Variants in ALDH4A1 observed in about 807,000 individuals in gnomAD.
ALDH4A1 encodes aldehyde dehydrogenase 4 family member A1.
A neutral mutation model predicts 70.5 loss-of-function variants in ALDH4A1; 46 were observed. The ratio of observed to expected loss-of-function variants is 0.65; its 90% CI spans 0.51 to 0.83. ALDH4A1 has a LOEUF of 0.83. ALDH4A1 is among the 40% of genes least tolerant of loss of function. The pLI is 0.00. For missense variants in ALDH4A1, 749 were observed against 766.5 expected (o/e 0.98, Z 0.27); for synonymous variants, 323 against 324.3 (o/e 1.00, Z 0.04).
Position 18,872,793 on chromosome 1 carries a change from AG to A in ALDH4A1, c.*51del, listed in dbSNP as rs1462954362. 2.4e-5 allele frequency: 35 copies of A among 1,436,638 alleles called. No individual in the cohort carries two copies. The highest frequency in any genetic ancestry group is 3.3e-5 in the Non-Finnish European group (34 of 1,025,192). The allele number at this position is 1,436,638 out of a possible 1,614,324, so 89.0% of individuals were successfully genotyped here. The stretch of plus-strand genomic sequence containing the variant: ...GGGCTGGAGTGGGGTCTGTGCAGTG[AG>A]GTCGGCCACCTGGACGGACAGACAG... On this transcript the variant is annotated 3_prime_UTR_variant, in exon 15 of 15. Transcript: ENST00000375341.
chr1:18,893,487 C>A (rs962055203), intron 1 of ALDH4A1, among the ~76,000 whole-genome samples: 2 of 152,068 alleles, frequency 1.3e-5, no homozygotes, highest in Non-Finnish European at 2.9e-5. Flanking sequence ...AAGAACAATG[C>A]ACAGCAAATC....
At chr1:18,897,538 G>A (rs1296911873) in intron 1 of ALDH4A1, among the ~76,000 whole-genome samples, 5 of 152,150 alleles carry the variant, frequency 3.3e-5, no homozygotes, top group African/African-American at 7.2e-5. Flanking sequence ...GCGAGACTCC[G>A]TCTCAAAAAA....
intron 3 of ALDH4A1, among the ~76,000 whole-genome samples, chr1:18,887,058 G>A (rs926436399): frequency 3.3e-5 from 5 of 152,210 alleles, no homozygotes; most frequent in Admixed American, 6.5e-5. Context: ...TGGGACTTCC[G>A]CCCTGCCCCG....
chr1:18,895,071 C>T (rs1304117088), intron 1 of ALDH4A1, among the ~76,000 whole-genome samples: 6 of 152,078 alleles, frequency 3.9e-5, no homozygotes, highest in African/African-American at 7.2e-5. Context: ...CACATGGCAA[C>T]GATGCAGAGA....
At chr1:18,902,432 C>G in intron 1 of ALDH4A1, 30 bp downstream of exon 1, 26 of 1,313,792 alleles carry the variant, frequency 2.0e-5, no homozygotes, top group Non-Finnish European at 2.5e-5. Context: ...GGCGCGCGCT[C>G]GGGCCGCCCC....
In ALDH4A1 at chr1:18,881,810, A is replaced by C. The variant is rs750104978; in HGVS notation, c.756T>G (p.Ala252=). 8 of 1,613,862 alleles carry C rather than the reference A, an allele frequency of 5.0e-6. No individual in the cohort carries two copies. The highest frequency in any genetic ancestry group is 2.7e-5 in the African/African-American group (2 of 74,938). Residue 252 remains alanine (A), a synonymous_variant, in exon 8 of 15, where the codon GCT becomes GCG. Transcript: ENST00000375341. The stretch of plus-strand genomic sequence containing the variant: ...ACTGGATGATGTTGGGGGGCAGGCC[A>C]GCCTCCCGAAGGATGCGGTAGACAG... ...SYAVYRILRE[A]GLPPNIIQFV...
In ALDH4A1 at chr1:18,876,324, G is replaced by C; in HGVS notation, c.1329C>G (p.Ile443Met). The change falls in exon 12 of 15, where the codon ATC becomes ATG. Residue 443 changes from isoleucine to methionine, a missense_variant. Ile to Met is a conservative substitution (Grantham distance 10, BLOSUM62 1). Coordinates refer to ENST00000375341, the MANE Select transcript of ALDH4A1 (RefSeq NM_003748.4). ...TGCCCACCCCAGTCACCTCCTTCAT[G>C]ATGGGCTCCTGAGGGTCCTTGCTCT... Reference protein sequence around the residue: ...IVESKDPQEPIMKEEIFGPVL... With the variant: ...IVESKDPQEPMMKEEIFGPVL... The C allele has an allele frequency of 6.2e-7, 1 of 1,613,832 alleles. No homozygotes were observed. The highest frequency in any genetic ancestry group is 8.5e-7 in the Non-Finnish European group (1 of 1,179,978).
At chr1:18,878,299 A>G (rs1934812751) in intron 9 of ALDH4A1, among the ~76,000 whole-genome samples, 1 of 152,186 alleles carries the variant, frequency 6.6e-6, no homozygotes, top group South Asian at 2.1e-4. Context: ...GCACAGAGAG[A>G]TGAAGTCACC....
intron 12 of ALDH4A1, among the ~76,000 whole-genome samples, chr1:18,876,111 CA>C (rs561370323): frequency 2.0e-5 from 3 of 152,278 alleles, no homozygotes; most frequent in African/African-American, 7.2e-5. Context: ...CAGCCAGGGT[CA>C]AGGACACAGC....
At chr1:18,887,878 G>A (rs1200134676) in intron 3 of ALDH4A1, among the ~76,000 whole-genome samples, 1 of 152,214 alleles carries the variant, frequency 6.6e-6, no homozygotes, top group Admixed American at 6.5e-5. Context: ...CTCTGTGTGT[G>A]TGTCTTTCTT....
intron 8 of ALDH4A1, among the ~76,000 whole-genome samples, chr1:18,879,992 T>C (rs1037713425): frequency 6.6e-6 from 1 of 151,572 alleles, no homozygotes; most frequent in Non-Finnish European, 1.5e-5. Context: ...CAGTAGCTAA[T>C]ACTAATTTAT....
chr1:18,893,749 C>T (rs1373355640), intron 1 of ALDH4A1, among the ~76,000 whole-genome samples: 1 of 152,190 alleles, frequency 6.6e-6, no homozygotes, highest in Non-Finnish European at 1.5e-5. Flanking sequence ...AGTGATCCAC[C>T]CGCCTTGGCC....
chr1:18,889,721 G>C (rs1935362043), intron 2 of ALDH4A1, among the ~76,000 whole-genome samples: 2 of 152,232 alleles, frequency 1.3e-5, no homozygotes, highest in South Asian at 4.1e-4. Flanking sequence ...GAAATCTCAT[G>C]ATTTTTAAAA....
At chr1:18,882,204 G>A (rs867251510) in intron 7 of ALDH4A1, among the ~76,000 whole-genome samples, 5 of 152,194 alleles carry the variant, frequency 3.3e-5, no homozygotes, top group African/African-American at 7.2e-5. Context: ...AGTGCTCACC[G>A]GGCGCGGCGG....
At chr1:18,877,351 C>T (rs1934745845) in intron 10 of ALDH4A1, 65 bp downstream of exon 10, 1 of 1,553,544 alleles carries the variant, frequency 6.4e-7, no homozygotes. Flanking sequence ...TGCAGAGGAG[C>T]CTCCCAGGGA....
intron 3 of ALDH4A1, among the ~76,000 whole-genome samples, chr1:18,887,345 A>G (rs879938546): frequency 2.0e-5 from 3 of 152,256 alleles, no homozygotes; most frequent in Non-Finnish European, 2.9e-5. Flanking sequence ...CACACCTGTG[A>G]TCCCAGCACT....
In ALDH4A1 at chr1:18,890,087, G is replaced by A; in HGVS notation, c.81C>T (p.Thr27=). Reference sequence around the variant, plus strand: ...GCTCGTTGGCCACCTTCAGGGAGGAGGTGTGCTTCCACCGCAGGCTGGAAC... The same window carrying A: ...GCTCGTTGGCCACCTTCAGGGAGGAAGTGTGCTTCCACCGCAGGCTGGAAC... ...WTGAGLRWKH[T]SSLKVANEPV... The change falls in exon 2 of 15, where the codon ACC becomes ACT. Residue 27 remains threonine (T), a synonymous_variant. Coordinates refer to ENST00000375341, the MANE Select transcript of ALDH4A1 (RefSeq NM_003748.4). 1 of 1,612,500 alleles carries A rather than the reference G, an allele frequency of 6.2e-7. No homozygotes were observed. The highest frequency in any genetic ancestry group is 8.5e-7 in the Non-Finnish European group (1 of 1,179,608).
intron 5 of ALDH4A1, 21 bp from the exon 6 acceptor site, chr1:18,883,449 G>A (rs1170000231): frequency 1.2e-6 from 2 of 1,612,774 alleles, no homozygotes; most frequent in Non-Finnish European, 8.5e-7. Context: ...GAGGGCCGGG[G>A]GTCAGGAGCA....
At chr1:18,901,123 G>A (rs994177637) in intron 1 of ALDH4A1, among the ~76,000 whole-genome samples, 4 of 152,114 alleles carry the variant, frequency 2.6e-5, no homozygotes, top group African/African-American at 9.7e-5. Context: ...GACTCTATAA[G>A]CTCCATCTTC....
Sources: allele counts gnomAD v4.1 joint callset (sites outside exome capture counted in the v4.1 genomes callset), GRCh38; gene constraint gnomAD v4.1.1; transcripts MANE v1.5; gene names NCBI Gene and HGNC (gene_info 2026-07-23, HGNC 2026-07-21).